Variants in PDIA3 observed in about 807,000 individuals in gnomAD.
PDIA3 encodes the protein protein disulfide-isomerase A3.
PDIA3 carries 16 observed loss-of-function variants against 56.9 expected under a neutral mutation model. The observed-to-expected ratio is 0.28, with a 90% CI of 0.19 to 0.43. PDIA3 has a LOEUF of 0.43. Among genes scored for constraint, PDIA3 ranks in the 20% least tolerant of loss-of-function variants. The pLI, the probability that PDIA3 is intolerant of heterozygous loss-of-function variation, is 1.00. For missense variants in PDIA3, 485 were observed against 621.3 expected (o/e 0.78, Z 2.33); for synonymous variants, 192 against 216.5 (o/e 0.89, Z 0.99).
intron 1 of PDIA3, among the ~76,000 whole-genome samples, chr15:43,749,695 A>G (rs2086731148): frequency 6.6e-6 from 1 of 152,086 alleles, no homozygotes; most frequent in African/African-American, 2.4e-5. Flanking sequence ...TGGGAGGCTG[A>G]GTTGGGAAAA....
intron 8 of PDIA3, among the ~76,000 whole-genome samples, chr15:43,767,853 TCC>T (rs2086857945): frequency 6.7e-6 from 1 of 149,860 alleles, no homozygotes; most frequent in African/African-American, 2.4e-5. Flanking sequence ...ACACCTATAA[TCC>T]CAGCACTTTG....
chr15:43,759,395 C>A (rs2086800292), intron 3 of PDIA3, among the ~76,000 whole-genome samples: 1 of 152,012 alleles, frequency 6.6e-6, no homozygotes, highest in Non-Finnish European at 1.5e-5. Context: ...TCTATAGATT[C>A]TTGGAAGCTG....
intron 4 of PDIA3, among the ~76,000 whole-genome samples, chr15:43,762,378 G>T (rs1030237500): frequency 6.6e-6 from 1 of 152,046 alleles, no homozygotes; most frequent in Admixed American, 6.6e-5. Context: ...GAGCATGGTG[G>T]TGCATGCCTG....
intron 5 of PDIA3, 22 bp downstream of exon 5, chr15:43,763,228 C>T (rs770137251): frequency 1.2e-6 from 2 of 1,610,708 alleles, no homozygotes; most frequent in African/African-American, 2.7e-5. Flanking sequence ...AGTTGAATCT[C>T]CTGACCAAGT....
chr15:43,758,614 G>C (rs958887832), intron 3 of PDIA3, among the ~76,000 whole-genome samples: 7 of 149,828 alleles, frequency 4.7e-5, no homozygotes, highest in Admixed American at 4.0e-4. Flanking sequence ...GTCGAGATCG[G>C]GCCACTGCAC....
chr15:43,746,800 C>T (rs1475913278), intron 1 of PDIA3, 94 bp downstream of exon 1: 4 of 1,391,260 alleles, frequency 2.9e-6, no homozygotes, highest in Non-Finnish European at 3.0e-6. Flanking sequence ...CGCCGGGGCC[C>T]TTCATTCCTG....
In PDIA3 at chr15:43,746,723, G is replaced by A. The variant is rs766173987; in HGVS notation, c.167+17G>A. The A allele has an allele frequency of 4.3e-6, 7 of 1,611,568 alleles. No individual in the cohort carries two copies. Among genetic ancestry groups the A allele is most frequent in the Non-Finnish European group, 5.1e-6 (6 of 1,179,248 alleles). Reference sequence around the variant, plus strand: ...CGCCCCCTGGTGAGTCCATTCTGCCGAGGCGGGGGAAGAAAGGCGGGGCTG... The same window carrying A: ...CGCCCCCTGGTGAGTCCATTCTGCCAAGGCGGGGGAAGAAAGGCGGGGCTG... On this transcript the variant is annotated intron_variant, in intron 1 of 12. Transcript: ENST00000300289.
intron 5 of PDIA3, among the ~76,000 whole-genome samples, chr15:43,763,658 C>T (rs12442129): frequency 0.16 from 24,530 of 152,076 alleles, 2,590 homozygotes; most frequent in African/African-American, 0.29. Flanking sequence ...GAACATCCCT[C>T]TATCTAGTAG....
intron 7 of PDIA3, 122 bp downstream of exon 7, chr15:43,766,134 TAAAAAAAAA>T: frequency 3.0e-6 from 1 of 337,436 alleles, no homozygotes; most frequent in Non-Finnish European, 4.9e-6. Context: ...TAAGAAGAGG[TAAAAAAAAA>T]AAAAAAAAAA....
At position 43,773,002 on chromosome 15, in the gene PDIA3, A is replaced by G. The variant is rs1180856368; in HGVS notation, c.*1784A>G. 2.0e-6 allele frequency: 2 copies of G among 1,013,546 alleles called. No homozygotes were observed. The highest frequency in any genetic ancestry group is 3.3e-5 in the South Asian group (2 of 61,058). 62.8% of individuals were successfully genotyped at this position (1,013,546 alleles called of 1,614,324 possible). On this transcript the variant is annotated 3_prime_UTR_variant, in exon 13 of 13. Transcript: ENST00000300289. ...CTAGAGCAGCTCTCTACTTGCCACC[A>G]TGGACTCCAGTGGTCAGCATAAGAA...
At chr15:43,753,632 G>A (rs151073563) in intron 1 of PDIA3, among the ~76,000 whole-genome samples, 192 bp from the exon 2 acceptor site, 2 of 152,310 alleles carry the variant, frequency 1.3e-5, no homozygotes, top group East Asian at 1.9e-4. Flanking sequence ...CAGTCTAGGG[G>A]TAGGACCTTT....
At chr15:43,750,706 T>C (rs12438668) in intron 1 of PDIA3, among the ~76,000 whole-genome samples, 148,190 of 151,602 alleles carry the variant, frequency 0.98, 72,504 homozygotes, top group East Asian at 1. Flanking sequence ...ACCCAGGAGG[T>C]GGAGCTTGCA....
chr15:43,759,303 T>C (rs1340013076), intron 3 of PDIA3, among the ~76,000 whole-genome samples: 1 of 151,936 alleles, frequency 6.6e-6, no homozygotes, highest in African/African-American at 2.4e-5. Context: ...AATAAGTAAA[T>C]AAATAAATAA....
At chr15:43,757,939 T>TAA (rs902677769) in intron 3 of PDIA3, among the ~76,000 whole-genome samples, 29 of 140,030 alleles carry the variant, frequency 2.1e-4, no homozygotes, top group African/African-American at 7.6e-4. Context: ...GGCTACTATT[T>TAA]AAAAAAAAAA....
intron 1 of PDIA3, among the ~76,000 whole-genome samples, chr15:43,750,772 CA>C (rs900392033): frequency 1.6e-3 from 210 of 134,658 alleles, no homozygotes; most frequent in South Asian, 2.1e-3. Flanking sequence ...GACTCCTTCT[CA>C]AAAAAAAAAA....
chr15:43,759,727 A>G (rs1162212193), intron 3 of PDIA3, among the ~76,000 whole-genome samples: 2 of 152,238 alleles, frequency 1.3e-5, no homozygotes, highest in African/African-American at 2.4e-5. Context: ...TTCTGACTAC[A>G]TGCTGCTATA....
Position 43,753,888 on chromosome 15 carries a change from G to C in PDIA3, c.232G>C (p.Val78Leu). 1 of 1,612,158 alleles carries C rather than the reference G, an allele frequency of 6.2e-7. No individual in the cohort carries two copies. Among genetic ancestry groups the C allele is most frequent in the African/African-American group, 1.3e-5 (1 of 74,996 alleles). ...EAAATRLKGIVPLAKVDCTAN... is the reference protein window; with the variant it reads ...EAAATRLKGILPLAKVDCTAN... Reference sequence around the variant, plus strand: ...TGCAGCTACCAGATTAAAAGGAATAGTCCCATTAGCAAAGGTAAGTACAGG... The same window carrying C: ...TGCAGCTACCAGATTAAAAGGAATACTCCCATTAGCAAAGGTAAGTACAGG... Residue 78 changes from valine (V) to leucine (L), a missense_variant, in exon 2 of 13, where the codon GTC becomes CTC. Coordinates refer to ENST00000300289, the MANE Select transcript of PDIA3 (RefSeq NM_005313.5).
chr15:43,756,809 C>A, intron 3 of PDIA3, 43 bp downstream of exon 3: 1 of 1,044,396 alleles, frequency 9.6e-7, no homozygotes, highest in Non-Finnish European at 1.5e-6. Flanking sequence ...TGTTAAGTAC[C>A]TTATTCTTTG....
intron 5 of PDIA3, 70 bp from the exon 6 acceptor site, chr15:43,765,380 C>CAAA (rs34708362): frequency 9.9e-6 from 7 of 706,298 alleles, no homozygotes; most frequent in Admixed American, 4.8e-5. Context: ...AACCCTATCT[C>CAAA]AAAAAAAAAA....
Sources: allele counts gnomAD v4.1 joint callset (sites outside exome capture counted in the v4.1 genomes callset), GRCh38; gene constraint gnomAD v4.1.1; transcripts MANE v1.5; gene names NCBI Gene and HGNC (gene_info 2026-07-23, HGNC 2026-07-21).